CYB5A: variants seen among roughly 807,000 people sequenced by gnomAD.
The protein encoded by CYB5A is cytochrome b5 type A.
Under a neutral mutation model 16.2 loss-of-function variants are expected in CYB5A, and 10 were observed. The ratio of observed to expected loss-of-function variants is 0.62; its 90% CI spans 0.38 to 1.04. The LOEUF is 1.04. Among genes scored for constraint, CYB5A ranks in the 50% least tolerant of loss-of-function variants. The pLI is 0.01. For synonymous variants in CYB5A, 62 were observed against 57.0 expected, an observed-to-expected ratio of 1.09 and a Z score of -0.40; for missense variants, 161 against 165.9, an observed-to-expected ratio of 0.97 and a Z score of 0.16.
chr18:74,275,877 T>C (rs1407324556), intron 1 of CYB5A, among the ~76,000 whole-genome samples: 2 of 152,148 alleles, frequency 1.3e-5, no homozygotes, highest in African/African-American at 4.8e-5. Flanking sequence ...AAGAACATGC[T>C]GGAGGAGCCG....
intron 3 of CYB5A, chr18:74,257,136 C>T: frequency 4.5e-6 from 2 of 441,628 alleles, no homozygotes; most frequent in Non-Finnish European, 4.1e-6. Context: ...AAGTTTGAAA[C>T]AGCCAACGGA....
intron 3 of CYB5A, chr18:74,257,475 G>GGA (rs1183051884): frequency 5.2e-5 from 8 of 153,562 alleles, no homozygotes; most frequent in African/African-American, 1.9e-4. Flanking sequence ...AGTGCTCTGA[G>GGA]GGCCTCACTT....
At chr18:74,256,169 A>G (rs868721042) in intron 3 of CYB5A, 7 of 181,446 alleles carry the variant, frequency 3.9e-5, no homozygotes, top group Non-Finnish European at 3.5e-5. Context: ...ACAATGTTCA[A>G]TAAAAACATC....
intron 4 of CYB5A, among the ~76,000 whole-genome samples, 170 bp from the exon 5 acceptor site, chr18:74,253,835 G>A (rs546367516): frequency 6.6e-6 from 1 of 152,324 alleles, no homozygotes; most frequent in African/African-American, 2.4e-5. Context: ...TGTAACACAT[G>A]CCCTGCTATA....
chr18:74,265,712 C>T (rs979009789), intron 1 of CYB5A, among the ~76,000 whole-genome samples: 26 of 152,184 alleles, frequency 1.7e-4, no homozygotes, highest in South Asian at 6.2e-4. Flanking sequence ...GGTGAGGCCT[C>T]GGGAAGCTTT....
intron 1 of CYB5A, among the ~76,000 whole-genome samples, chr18:74,279,521 C>T (rs1420419915): frequency 6.6e-6 from 1 of 152,100 alleles, no homozygotes; most frequent in Non-Finnish European, 1.5e-5. Context: ...CAGAGTGAGA[C>T]TCCGTCTCAA....
chr18:74,264,111 TGA>T (rs1982328477), intron 1 of CYB5A, among the ~76,000 whole-genome samples: 1 of 151,588 alleles, frequency 6.6e-6, no homozygotes, highest in Non-Finnish European at 1.5e-5. Flanking sequence ...TTCAGGAGGC[TGA>T]GTCTTGAGAA....
At chr18:74,284,252 A>AAAAAAAG (rs1555690735) in intron 1 of CYB5A, among the ~76,000 whole-genome samples, 2 of 147,364 alleles carry the variant, frequency 1.4e-5, no homozygotes, top group Non-Finnish European at 3.0e-5. Flanking sequence ...AAAAAAAAAA[A>AAAAAAAG]AGAGAGATTA....
intron 1 of CYB5A, among the ~76,000 whole-genome samples, chr18:74,282,469 C>T (rs760159846): frequency 2.6e-5 from 4 of 152,216 alleles, no homozygotes; most frequent in Non-Finnish European, 4.4e-5. Context: ...CCACCAGGCT[C>T]TCCTCTTCCA....
chr18:74,253,703 T>C (rs369595573), intron 4 of CYB5A, 38 bp from the exon 5 acceptor site: 4 of 1,380,924 alleles, frequency 2.9e-6, no homozygotes, highest in Non-Finnish European at 4.1e-6. Context: ...TGACATGATG[T>C]GCACTGTGGT....
intron 1 of CYB5A, among the ~76,000 whole-genome samples, chr18:74,266,792 T>TATATATC (rs1982453689): frequency 6.6e-6 from 1 of 151,060 alleles, no homozygotes; most frequent in East Asian, 1.9e-4. Flanking sequence ...TGGATTATAT[T>TATATATC]GGTTTCACTG....
chr18:74,264,967 C>A (rs1982378494), intron 1 of CYB5A, among the ~76,000 whole-genome samples: 3 of 151,128 alleles, frequency 2.0e-5, no homozygotes, highest in African/African-American at 7.3e-5. Flanking sequence ...AAAAAAACTT[C>A]TTTAACTGAG....
Position 74,284,257 on chromosome 18 carries a change from AG to A in CYB5A, c.129+7489del, listed in dbSNP as rs755822958. Among the ~76,000 whole-genome samples the A allele has an allele frequency of 2.7e-5, 4 of 148,906 alleles. No homozygotes were observed. The South Asian group carries it at 6.4e-4, about 24-fold the overall frequency. Reference sequence around the variant, plus strand: ...CCAAAAAAAAAAAAAAAAAAAAGAGAGATTAAAAGCACAAACGCAAAGAAGG... The same window carrying A: ...CCAAAAAAAAAAAAAAAAAAAAGAGAATTAAAAGCACAAACGCAAAGAAGG... On this transcript the variant is annotated intron_variant, in intron 1 of 4. Transcript: ENST00000340533.
rs536022378 is a variant in CYB5A, at chr18:74,252,620, G to A, written c.*964C>T. On this transcript the variant is annotated 3_prime_UTR_variant, in exon 5 of 5. Coordinates refer to ENST00000340533, the MANE Select transcript of CYB5A (RefSeq NM_148923.4). ...AGCTGAGAGAATGGACAGTTGCGAT[G>A]CCCTCTCATGGTTCATGTGTTTTTA... The A allele has an allele frequency of 2.0e-5, 3 of 152,336 alleles. No individual in the cohort carries two copies. The highest frequency in any genetic ancestry group is 4.4e-5 in the Non-Finnish European group (3 of 68,034). 9.4% of individuals were successfully genotyped at this position (152,336 alleles called of 1,614,324 possible).
chr18:74,260,498 G>A (rs1264329997), intron 3 of CYB5A: 1 of 304,874 alleles, frequency 3.3e-6, no homozygotes, highest in African/African-American at 2.2e-5. Flanking sequence ...CACCTACTAT[G>A]CCCAAGAGAC....
intron 1 of CYB5A, among the ~76,000 whole-genome samples, chr18:74,264,045 T>C (rs1267751645): frequency 6.6e-6 from 1 of 152,130 alleles, no homozygotes. Flanking sequence ...ACCCCATCTC[T>C]ACAAAAAATA....
intron 3 of CYB5A, chr18:74,259,803 T>C (rs955765261): frequency 6.6e-6 from 1 of 152,160 alleles, no homozygotes; most frequent in Admixed American, 6.5e-5. Context: ...TCAAAAAAGA[T>C]GCTAAAGTCA....
chr18:74,269,478 A>C (rs2145058517), intron 1 of CYB5A, among the ~76,000 whole-genome samples: 1 of 122,476 alleles, frequency 8.2e-6, no homozygotes, highest in Middle Eastern at 3.8e-3. Flanking sequence ...AGCCAAGGAA[A>C]GCAGTGGAAG....
chr18:74,283,464 T>C (rs989216885), intron 1 of CYB5A, among the ~76,000 whole-genome samples: 2 of 152,142 alleles, frequency 1.3e-5, no homozygotes, highest in African/African-American at 4.8e-5. Context: ...TATTTAAAAA[T>C]TCCTCTACAA....
Sources: allele counts gnomAD v4.1 joint callset (sites outside exome capture counted in the v4.1 genomes callset), GRCh38; gene constraint gnomAD v4.1.1; transcripts MANE v1.5; gene names NCBI Gene and HGNC (gene_info 2026-07-23, HGNC 2026-07-21).